Variants in ENPP3 observed in about 807,000 individuals in gnomAD.
ENPP3 encodes the protein ectonucleotide pyrophosphatase/phosphodiesterase 3.
A neutral mutation model predicts 117.8 loss-of-function variants in ENPP3; 104 were observed. That is an observed-to-expected ratio of 0.88 (90% CI 0.75 to 1.04). ENPP3 has a LOEUF of 1.04. ENPP3 is among the 50% of genes least tolerant of loss of function. The probability of loss-of-function intolerance (pLI) is 0.00; values close to 1 mark genes in which losing one functional copy is unlikely to be tolerated. For missense variants in ENPP3, 1,026 were observed against 1,051.9 expected (o/e 0.98, Z 0.34); for synonymous variants, 380 against 349.9 (o/e 1.09, Z -0.96).
chr6:131,692,759 G>C (rs1779307884), intron 14 of ENPP3, among the ~76,000 whole-genome samples: 2 of 143,316 alleles, frequency 1.4e-5, no homozygotes, highest in Admixed American at 7.1e-5. Context: ...ATGATATATG[G>C]TTATATATGA....
At chr6:131,685,073 G>A (rs557279938) in intron 12 of ENPP3, among the ~76,000 whole-genome samples, 3 of 152,196 alleles carry the variant, frequency 2.0e-5, no homozygotes, top group South Asian at 2.1e-4. Flanking sequence ...TGTGAGCCAC[G>A]GAGCACAGCC....
At chr6:131,679,445 A>T (rs986390107) in intron 11 of ENPP3, among the ~76,000 whole-genome samples, 26 of 150,466 alleles carry the variant, frequency 1.7e-4, no homozygotes, top group Non-Finnish European at 3.4e-4. Flanking sequence ...TTGTCCTTTG[A>T]GAAGGGACAC....
intron 12 of ENPP3, among the ~76,000 whole-genome samples, chr6:131,683,749 GTT>G (rs397940601): frequency 1.3e-4 from 16 of 126,530 alleles, no homozygotes; most frequent in Admixed American, 2.5e-4. Context: ...CACTCTACAG[GTT>G]TTTTTTTTTT....
In ENPP3 at chr6:131,652,892, G is replaced by T; in HGVS notation, c.464+1G>T. ...CCCAGCAGTCTCAGTGCCCAGAAGG[G>T]TGAGCATGACTGATACAGGGATTTT... On this transcript the variant is annotated splice_donor_variant, in intron 5 of 24. Transcript: ENST00000357639. LOFTEE classifies it high-confidence loss of function. The T allele has an allele frequency of 1.2e-6, 2 of 1,606,522 alleles. No homozygotes were observed. Among genetic ancestry groups the T allele is most frequent in the Non-Finnish European group, 1.7e-6 (2 of 1,173,218 alleles).
intron 15 of ENPP3, chr6:131,711,102 G>A (rs1388534234): frequency 1.3e-6 from 2 of 1,515,006 alleles, no homozygotes; most frequent in South Asian, 1.3e-5. Context: ...TCTGGAACCC[G>A]AATGCGCACG....
chr6:131,734,546 G>A (rs1432518345), intron 21 of ENPP3, among the ~76,000 whole-genome samples: 1 of 152,064 alleles, frequency 6.6e-6, no homozygotes, highest in Non-Finnish European at 1.5e-5. Flanking sequence ...TAAATTTTAT[G>A]TATCTAGATA....
intron 6 of ENPP3, among the ~76,000 whole-genome samples, chr6:131,667,207 A>G (rs1311825286): frequency 6.6e-6 from 1 of 151,690 alleles, no homozygotes; most frequent in African/African-American, 2.4e-5. Context: ...CTAATATGCT[A>G]CATCAAACCG....
intron 6 of ENPP3, among the ~76,000 whole-genome samples, chr6:131,659,312 T>C (rs1473718415): frequency 1.3e-5 from 2 of 151,942 alleles, no homozygotes; most frequent in Admixed American, 6.6e-5. Context: ...TTAAAAGAAG[T>C]TGAGTACCCA....
At chr6:131,673,470 A>G (rs1340235430) in intron 7 of ENPP3, among the ~76,000 whole-genome samples, 1 of 152,172 alleles carries the variant, frequency 6.6e-6, no homozygotes, top group Non-Finnish European at 1.5e-5. Flanking sequence ...GAGCTAAATG[A>G]TAGGAACTTA....
chr6:131,746,102 A>T (rs1562487448), intron 24 of ENPP3, among the ~76,000 whole-genome samples: 1 of 152,022 alleles, frequency 6.6e-6, no homozygotes, highest in Admixed American at 6.6e-5. Flanking sequence ...AAAAAAAAAA[A>T]TTTGAATGTA....
chr6:131,726,227 G>T (rs754848299), intron 20 of ENPP3, 27 bp downstream of exon 20: 9 of 1,596,634 alleles, frequency 5.6e-6, no homozygotes, highest in South Asian at 1.1e-5. Context: ...ATTGATCCAT[G>T]CAGGCAAGAA....
rs1207145384 is a variant in ENPP3, at chr6:131,648,382, A to AT, written c.155-1637dup. On this transcript the variant is annotated intron_variant, in intron 2 of 24. Transcript: ENST00000357639. ...ATTTCTGTTTTGATAAGCACCTAAA[A>AT]TTTTTTTTGTATATGTTGTGAGGCA... 2.0e-5 allele frequency among the ~76,000 whole-genome samples: 3 copies of AT among 151,836 alleles called. No individual in the cohort carries two copies. In the East Asian group the frequency reaches 5.8e-4, roughly 29 times the overall value.
Position 131,641,455 on chromosome 6 carries a change from G to A in ENPP3, c.79G>A (p.Val27Ile). Residue 27 changes from valine to isoleucine, a missense_variant and splice_region_variant, in exon 2 of 25, where the codon GTT becomes ATT. Coordinates refer to ENST00000357639, the MANE Select transcript of ENPP3 (RefSeq NM_005021.5). ...TLKKYKIACI[V>I]LLALLVIMSL... ...AGTTACTTTTTCCTTTTTGCAATAG[G>A]TTCTTCTTGCTTTGCTGGTGATCAT... The A allele has an allele frequency of 6.2e-7, 1 of 1,607,206 alleles. No individual in the cohort carries two copies. Among genetic ancestry groups the A allele is most frequent in the African/African-American group, 1.3e-5 (1 of 74,852 alleles).
chr6:131,638,963 T>C (rs1266739815), intron 1 of ENPP3, among the ~76,000 whole-genome samples: 1 of 151,956 alleles, frequency 6.6e-6, no homozygotes, highest in Non-Finnish European at 1.5e-5. Flanking sequence ...CACTAGCCTG[T>C]TTCAAATGCC....
At chr6:131,737,676 C>A (rs1385518736) in intron 22 of ENPP3, among the ~76,000 whole-genome samples, 7 of 152,064 alleles carry the variant, frequency 4.6e-5, no homozygotes, top group Non-Finnish European at 5.9e-5. Flanking sequence ...ATTACTGCCA[C>A]TCACTAAAAG....
Position 131,742,344 on chromosome 6 carries a change from A to G in ENPP3, c.2457+1964A>G, listed in dbSNP as rs10499184. Among the ~76,000 whole-genome samples, 491 of 152,278 alleles carry G rather than the reference A, an allele frequency of 3.2e-3. 8 individuals carry two copies. Among genetic ancestry groups the G allele is most frequent in the Admixed American group, 0.028 (425 of 15,290 alleles). On this transcript the variant is annotated intron_variant, in intron 24 of 24. Coordinates refer to ENST00000357639, the MANE Select transcript of ENPP3 (RefSeq NM_005021.5). ...CTTTACCATGAAATCTGGATTAAAC[A>G]GTTCGTTATTACAGAGGTTCTAGGT...
intron 6 of ENPP3, among the ~76,000 whole-genome samples, chr6:131,661,290 C>A (rs562200608): frequency 2.6e-5 from 4 of 151,972 alleles, no homozygotes; most frequent in Non-Finnish European, 4.4e-5. Context: ...TTTTGAGAAA[C>A]CTCCATGCCA....
Position 131,747,043 on chromosome 6 carries a change from T to G in ENPP3, c.*87T>G, listed in dbSNP as rs1780652176. ...GATTTTTTTCTGGAGAATTGTAAAA[T>G]AAAGTTTTCTATTTTTCCTTAAGTC... On this transcript the variant is annotated 3_prime_UTR_variant, in exon 25 of 25. Coordinates refer to ENST00000357639, the MANE Select transcript of ENPP3 (RefSeq NM_005021.5). The G allele has an allele frequency of 1.5e-6, 1 of 678,214 alleles. No homozygotes were observed. Among genetic ancestry groups the G allele is most frequent in the African/African-American group, 1.9e-5 (1 of 52,920 alleles). The allele number at this position is 678,214 out of a possible 1,614,324, so 42.0% of individuals were successfully genotyped here. A position where few individuals can be genotyped will look rare whatever the true frequency, so the allele number is the denominator to read the frequency against.
intron 14 of ENPP3, among the ~76,000 whole-genome samples, chr6:131,692,900 G>A (rs1040169650): frequency 7.0e-6 from 1 of 143,754 alleles, no homozygotes; most frequent in South Asian, 2.1e-4. Context: ...CACTATATAT[G>A]ATATATAGTT....
Sources: allele counts gnomAD v4.1 joint callset (sites outside exome capture counted in the v4.1 genomes callset), GRCh38; gene constraint gnomAD v4.1.1; transcripts MANE v1.5; gene names NCBI Gene and HGNC (gene_info 2026-07-23, HGNC 2026-07-21).